ENOX1: variants seen among roughly 807,000 people sequenced by gnomAD.
The protein encoded by ENOX1 is ecto-NOX disulfide-thiol exchanger 1.
In ENOX1, 42 loss-of-function variants were observed where a neutral mutation model predicts 82.5. That is an observed-to-expected ratio of 0.51 (90% CI 0.40 to 0.66). The LOEUF is 0.66. ENOX1 is among the 30% of genes least tolerant of loss of function. ENOX1 has a pLI of 0.00. For missense variants in ENOX1, 608 were observed against 811.6 expected, an observed-to-expected ratio of 0.75 and a Z score of 3.05; for synonymous variants, 271 against 282.2, an observed-to-expected ratio of 0.96 and a Z score of 0.40.
chr13:43,528,709 C>A (rs1161904435), intron 2 of ENOX1, among the ~76,000 whole-genome samples: 1 of 152,032 alleles, frequency 6.6e-6, no homozygotes, highest in East Asian at 1.9e-4. Context: ...GTTTGAGAAT[C>A]CTAGGTTCAA....
At chr13:43,330,544 A>G (rs1249554899) in intron 9 of ENOX1, among the ~76,000 whole-genome samples, 1 of 152,186 alleles carries the variant, frequency 6.6e-6, no homozygotes, top group African/African-American at 2.4e-5. Flanking sequence ...ATTTAAATTT[A>G]CCCCTCACAC....
intron 2 of ENOX1, among the ~76,000 whole-genome samples, chr13:43,605,871 C>A (rs2081955634): frequency 6.6e-6 from 1 of 152,062 alleles, no homozygotes; most frequent in South Asian, 2.1e-4. Context: ...GAAGAGATAA[C>A]CCAAAGAATG....
At chr13:43,711,783 G>A (rs1326930807) in intron 1 of ENOX1, among the ~76,000 whole-genome samples, 4 of 151,082 alleles carry the variant, frequency 2.6e-5, no homozygotes, top group Non-Finnish European at 4.4e-5. Flanking sequence ...TTTTTTTCTT[G>A]TAAATTTGTT....
At chr13:43,643,237 T>C (rs2083735329) in intron 2 of ENOX1, among the ~76,000 whole-genome samples, 1 of 152,112 alleles carries the variant, frequency 6.6e-6, no homozygotes, top group African/African-American at 2.4e-5. Flanking sequence ...TACATAGTGT[T>C]TGTGTTCCCC....
At chr13:43,351,995 C>G (rs1361629409) in intron 8 of ENOX1, among the ~76,000 whole-genome samples, 1 of 152,192 alleles carries the variant, frequency 6.6e-6, no homozygotes, top group Admixed American at 6.5e-5. Context: ...ATGAAGGAAG[C>G]CTGGCTTTTA....
At chr13:43,671,727 G>C (rs2085277357) in intron 1 of ENOX1, among the ~76,000 whole-genome samples, 1 of 152,098 alleles carries the variant, frequency 6.6e-6, no homozygotes, top group Non-Finnish European at 1.5e-5. Flanking sequence ...TGTGGAAGGG[G>C]AAGAGGAGAC....
chr13:43,655,192 A>C (rs2084373671), intron 2 of ENOX1, among the ~76,000 whole-genome samples: 1 of 152,206 alleles, frequency 6.6e-6, no homozygotes, highest in Non-Finnish European at 1.5e-5. Flanking sequence ...CAAGGACTAC[A>C]GTCATAGCAC....
At chr13:43,536,131 T>A (rs2078449624) in intron 2 of ENOX1, among the ~76,000 whole-genome samples, 1 of 152,230 alleles carries the variant, frequency 6.6e-6, no homozygotes, top group Admixed American at 6.5e-5. Context: ...TAAACCCAAA[T>A]GATTATTTTT....
chr13:43,214,102 TC>T lies in ENOX1; in HGVS notation c.1819del (p.Glu607LysfsTer4). 1 of 1,613,120 alleles carries T rather than the reference TC, an allele frequency of 6.2e-7. No individual in the cohort carries two copies. Among genetic ancestry groups the T allele is most frequent in the Admixed American group, 1.7e-5 (1 of 59,902 alleles). On this transcript the variant is annotated frameshift_variant, in exon 17 of 17. Coordinates refer to ENST00000690772, the MANE Select transcript of ENOX1 (RefSeq NM_001347969.2). LOFTEE classifies it high-confidence loss of function. ...GCGTGGCAGCCTCATCAAAAGCATT[TC>T]TATTTCATTTGCAGATATCTGTTAG... ...LDSKISANEI[E>X]MLLMRLPRMF... is the part of the protein sequence containing the mutation.
chr13:43,495,484 A>AC (rs1210325950), intron 2 of ENOX1, among the ~76,000 whole-genome samples: 1 of 152,022 alleles, frequency 6.6e-6, no homozygotes, highest in Non-Finnish European at 1.5e-5. Flanking sequence ...ATTCTTGTTA[A>AC]ATCTTCCAGT....
At chr13:43,481,343 C>T (rs987148970) in intron 3 of ENOX1, among the ~76,000 whole-genome samples, 2 of 151,832 alleles carry the variant, frequency 1.3e-5, no homozygotes, top group Admixed American at 6.6e-5. Flanking sequence ...ATAGAGAGTC[C>T]AGAAATAAAC....
At chr13:43,470,732 G>C (rs1237667505) in intron 3 of ENOX1, among the ~76,000 whole-genome samples, 1 of 151,666 alleles carries the variant, frequency 6.6e-6, no homozygotes, top group East Asian at 1.9e-4. Context: ...ACACTTTACA[G>C]AGAAAATTAT....
intron 3 of ENOX1, among the ~76,000 whole-genome samples, chr13:43,442,832 T>C (rs777481146): frequency 6.6e-6 from 1 of 152,214 alleles, no homozygotes; most frequent in Non-Finnish European, 1.5e-5. Flanking sequence ...AGTAATTTTT[T>C]ATTAATGGGA....
chr13:43,235,936 G>A (rs2042527146), intron 15 of ENOX1, among the ~76,000 whole-genome samples: 1 of 152,138 alleles, frequency 6.6e-6, no homozygotes, highest in Admixed American at 6.5e-5. Context: ...CATGAGGGTG[G>A]TGGCTTCCCT....
chr13:43,636,314 G>A (rs1306477022), intron 2 of ENOX1, among the ~76,000 whole-genome samples: 1 of 152,148 alleles, frequency 6.6e-6, no homozygotes, highest in Non-Finnish European at 1.5e-5. Flanking sequence ...TGAAGGTGAA[G>A]TTTTTGCATT....
chr13:43,626,171 G>A (rs1290016865), intron 2 of ENOX1, among the ~76,000 whole-genome samples: 1 of 151,764 alleles, frequency 6.6e-6, no homozygotes, highest in Non-Finnish European at 1.5e-5. Flanking sequence ...GATGTCTGCA[G>A]GGTCTTCAGT....
chr13:43,236,306 T>A (rs567573256), intron 15 of ENOX1, among the ~76,000 whole-genome samples: 2 of 152,320 alleles, frequency 1.3e-5, no homozygotes, highest in Admixed American at 1.3e-4. Flanking sequence ...TGGCTTGGTT[T>A]GGAACTAGAT....
intron 2 of ENOX1, among the ~76,000 whole-genome samples, chr13:43,542,462 G>A (rs1250151566): frequency 1.6e-5 from 2 of 121,706 alleles, no homozygotes; most frequent in Non-Finnish European, 3.3e-5. Flanking sequence ...TAATGAGACA[G>A]TCTCACTCTG....
chr13:43,298,221 T>G (rs1413072736), intron 12 of ENOX1, 125 bp downstream of exon 12: 3 of 1,013,840 alleles, frequency 3.0e-6, no homozygotes, highest in Non-Finnish European at 4.2e-6. Flanking sequence ...TCTGTCCTAG[T>G]AACATAGCTT....
Sources: allele counts gnomAD v4.1 joint callset (sites outside exome capture counted in the v4.1 genomes callset), GRCh38; gene constraint gnomAD v4.1.1; transcripts MANE v1.5; gene names NCBI Gene and HGNC (gene_info 2026-07-23, HGNC 2026-07-21).